Variants in SORCS1 observed in about 807,000 individuals in gnomAD.
SORCS1 encodes the protein sortilin related VPS10 domain containing receptor 1.
In SORCS1, 60 loss-of-function variants were observed where a neutral mutation model predicts 146.1. That is an observed-to-expected ratio of 0.41 (90% CI 0.33 to 0.51). The LOEUF is 0.51. SORCS1 is among the 20% of genes least tolerant of loss of function. The probability of loss-of-function intolerance (pLI) is 0.21; values close to 1 mark genes in which losing one functional copy is unlikely to be tolerated. For synonymous variants in SORCS1, 637 were observed against 584.0 expected, an observed-to-expected ratio of 1.09 and a Z score of -1.31; for missense variants, 1,352 against 1,487.6, an observed-to-expected ratio of 0.91 and a Z score of 1.50.
chr10:107,100,944 G>C (rs1415086984), intron 1 of SORCS1, among the ~76,000 whole-genome samples: 2 of 152,200 alleles, frequency 1.3e-5, no homozygotes, highest in African/African-American at 2.4e-5. Flanking sequence ...GCAGGCTGCA[G>C]AGCAGTGATG....
chr10:107,012,307 T>A (rs1475375786), intron 1 of SORCS1, among the ~76,000 whole-genome samples: 1 of 152,288 alleles, frequency 6.6e-6, no homozygotes, highest in East Asian at 1.9e-4. Flanking sequence ...TTTGCAGAAC[T>A]GCAGTGTAGT....
intron 2 of SORCS1, among the ~76,000 whole-genome samples, chr10:106,852,393 G>T (rs984326387): frequency 6.6e-6 from 1 of 152,048 alleles, no homozygotes; most frequent in African/African-American, 2.4e-5. Context: ...ACTTTCGAAG[G>T]CTGAGGCAGT....
At chr10:106,631,349 T>C (rs1007055906) in intron 18 of SORCS1, among the ~76,000 whole-genome samples, 3 of 152,240 alleles carry the variant, frequency 2.0e-5, no homozygotes, top group Admixed American at 1.3e-4. Context: ...TAAATATAAA[T>C]GTCAACTATT....
At chr10:107,136,169 A>G (rs898806062) in intron 1 of SORCS1, among the ~76,000 whole-genome samples, 1 of 152,242 alleles carries the variant, frequency 6.6e-6, no homozygotes, top group African/African-American at 2.4e-5. Context: ...ATAACTTAAA[A>G]TCAAGGAGGC....
chr10:106,722,064 C>G lies in SORCS1; in HGVS notation c.1024+7986G>C, dbSNP rs571063252. Among the ~76,000 whole-genome samples, 140 of 150,982 alleles carry G rather than the reference C, an allele frequency of 9.3e-4. 2 individuals are homozygous for G. The highest frequency in any genetic ancestry group is 6.8e-3 in the Middle Eastern group (2 of 292). On this transcript the variant is annotated intron_variant, in intron 6 of 25. Coordinates refer to ENST00000263054, the MANE Select transcript of SORCS1 (RefSeq NM_052918.5). Reference sequence around the variant, plus strand: ...GTAAGTATACGTGTCTATACATATACATACTCATCTGTATAAGCCTAAACA... The same window carrying G: ...GTAAGTATACGTGTCTATACATATAGATACTCATCTGTATAAGCCTAAACA...
intron 2 of SORCS1, among the ~76,000 whole-genome samples, chr10:106,846,191 G>A (rs1279741828): frequency 3.9e-5 from 1 of 25,836 alleles, no homozygotes; most frequent in African/African-American, 1.1e-4. Context: ...CCATTTTCAC[G>A]ATATTGATTC....
At chr10:106,915,877 C>T (rs954691723) in intron 2 of SORCS1, among the ~76,000 whole-genome samples, 13 of 152,136 alleles carry the variant, frequency 8.5e-5, no homozygotes, top group South Asian at 2.1e-4. Flanking sequence ...TTTGAAGGGA[C>T]CTGGCTCCAA....
chr10:107,006,813 T>A (rs1262495889), intron 1 of SORCS1, among the ~76,000 whole-genome samples: 1 of 152,108 alleles, frequency 6.6e-6, no homozygotes, highest in East Asian at 1.9e-4. Context: ...CGAGACTCCG[T>A]CTCAAAAAAA....
In SORCS1 at chr10:106,776,575, T is replaced by C. The variant is rs756474010; in HGVS notation, c.844A>G (p.Lys282Glu). The change falls in exon 4 of 26, where the codon AAA becomes GAA. Residue 282 changes from lysine to glutamate, a missense_variant. By Grantham distance (56) the Lys-to-Glu change is moderately conservative. This residue lies in a region of SORCS1 where 490 missense variants were observed against 489.1 expected (regional missense o/e 1.00). Transcript: ENST00000263054. ...TATGCCAGAATCCAGTCTTCTTGTT[T>C]GGGGTGAAAAAGCAAGCTTTGAATG... ...FYIQSLLFHPKQEDWILAYSQ... is the reference protein window; with the variant it reads ...FYIQSLLFHPEQEDWILAYSQ... 4 of 1,613,922 alleles carry C rather than the reference T, an allele frequency of 2.5e-6. No individual in the cohort carries two copies. The highest frequency in any genetic ancestry group is 3.4e-6 in the Non-Finnish European group (4 of 1,179,946).
At chr10:107,067,826 G>C (rs894476649) in intron 1 of SORCS1, among the ~76,000 whole-genome samples, 1 of 152,142 alleles carries the variant, frequency 6.6e-6, no homozygotes, top group African/African-American at 2.4e-5. Flanking sequence ...CACGTGAATT[G>C]TTGTGAGGAT....
intron 17 of SORCS1, among the ~76,000 whole-genome samples, chr10:106,662,490 C>G (rs2135387502): frequency 6.6e-6 from 1 of 152,222 alleles, no homozygotes; most frequent in African/African-American, 2.4e-5. Context: ...GCCCAGGGAG[C>G]AACATTTATG....
At chr10:106,637,936 A>G (rs1160735120) in intron 18 of SORCS1, among the ~76,000 whole-genome samples, 1 of 152,142 alleles carries the variant, frequency 6.6e-6, no homozygotes, top group Non-Finnish European at 1.5e-5. Flanking sequence ...TGTCTTCTGT[A>G]CTTGGTGTCT....
intron 23 of SORCS1, among the ~76,000 whole-genome samples, chr10:106,599,459 C>T (rs1351658307): frequency 2.6e-5 from 4 of 151,660 alleles, no homozygotes; most frequent in Non-Finnish European, 5.9e-5. Context: ...AGATTGCATA[C>T]AATGGTTTTC....
intron 6 of SORCS1, among the ~76,000 whole-genome samples, chr10:106,726,197 T>TTTTTTTG (rs1856158165): frequency 7.0e-6 from 1 of 143,732 alleles, no homozygotes; most frequent in South Asian, 2.3e-4. Flanking sequence ...TTTTTTTTTT[T>TTTTTTTG]TTTTTTTTTT....
At chr10:107,114,976 T>G (rs1565063529) in intron 1 of SORCS1, among the ~76,000 whole-genome samples, 1 of 151,964 alleles carries the variant, frequency 6.6e-6, no homozygotes, top group Non-Finnish European at 1.5e-5. Context: ...ATATCCAAAT[T>G]GAGATACAGA....
At chr10:107,004,092 C>T (rs1054577841) in intron 1 of SORCS1, among the ~76,000 whole-genome samples, 5 of 142,346 alleles carry the variant, frequency 3.5e-5, no homozygotes, top group East Asian at 2.1e-4. Context: ...AGGAGAATGG[C>T]GTGAACCCGG....
At chr10:107,178,394 T>C in the SORCS1 span, among the ~76,000 whole-genome samples, 9 of 152,074 alleles carry the variant, frequency 5.9e-5, no homozygotes, top group Non-Finnish European at 1.5e-5. Flanking sequence ...ATATTTGTCT[T>C]TCTGTGCCTG....
chr10:106,881,246 A>T (rs1307703175), intron 2 of SORCS1, among the ~76,000 whole-genome samples: 3 of 152,222 alleles, frequency 2.0e-5, no homozygotes, highest in Non-Finnish European at 2.9e-5. Flanking sequence ...AAGTCACTAC[A>T]GGAATTTTCT....
intron 18 of SORCS1, among the ~76,000 whole-genome samples, chr10:106,651,187 T>C (rs149238267): frequency 4.3e-4 from 66 of 152,354 alleles, no homozygotes; most frequent in Non-Finnish European, 7.8e-4. Context: ...TCGTTTGAGC[T>C]AGATTTCAAA....
Sources: gnomAD v4.1 joint callset for allele counts (sites outside exome capture counted in the v4.1 genomes callset) on GRCh38, gnomAD v4.1.1 for gene constraint, gnomAD v4.1.1 regional missense constraint, MANE v1.5 for transcripts, NCBI Gene and HGNC (gene_info 2026-07-23, HGNC 2026-07-21) for gene names.